The following ATG7 variants were observed in gnomAD, a reference collection of about 807,000 sequenced individuals.
ATG7 encodes the protein ubiquitin-like modifier-activating enzyme ATG7.
Under a neutral mutation model 82.4 loss-of-function variants are expected in ATG7, and 70 were observed. The observed-to-expected ratio is 0.85, with a 90% CI of 0.70 to 1.04. ATG7 has a LOEUF of 1.04. ATG7 is among the 50% of genes least tolerant of loss of function. ATG7 has a pLI of 0.00. For synonymous variants in ATG7, 287 were observed against 313.0 expected (o/e 0.92, Z 0.88); for missense variants, 792 against 864.3 (o/e 0.92, Z 1.05).
chr3:11,417,815 A>ATT (rs372904207), intron 19 of ATG7, among the ~76,000 whole-genome samples: 2,403 of 64,896 alleles, frequency 0.037, 92 homozygotes, highest in African/African-American at 0.11. Flanking sequence ...ATTTTATTTT[A>ATT]TTTTTTTTTT....
At chr3:11,553,184 A>G (rs1181478725) in intron 20 of ATG7, among the ~76,000 whole-genome samples, 1 of 151,734 alleles carries the variant, frequency 6.6e-6, no homozygotes, top group Non-Finnish European at 1.5e-5. Flanking sequence ...CCTTTTCCAC[A>G]CACCCCTGGT....
chr3:11,405,785 G>A (rs187198086), intron 19 of ATG7, among the ~76,000 whole-genome samples: 3 of 151,866 alleles, frequency 2.0e-5, no homozygotes, highest in Admixed American at 1.3e-4. Flanking sequence ...ATGTCACCAC[G>A]CCTGGATAAT....
At chr3:11,299,023 A>AT in intron 4 of ATG7, 168 bp downstream of exon 4, 2 of 760,358 alleles carry the variant, frequency 2.6e-6, no homozygotes, top group Non-Finnish European at 4.1e-6. Context: ...ATTTTCATTT[A>AT]TTTTCTCTTG....
intron 19 of ATG7, among the ~76,000 whole-genome samples, chr3:11,388,794 T>G (rs1443392836): frequency 6.6e-6 from 1 of 151,996 alleles, no homozygotes; most frequent in Non-Finnish European, 1.5e-5. Context: ...CCTCAATAAC[T>G]TTGTAAGATA....
chr3:11,314,168 G>A (rs886692386), intron 8 of ATG7, among the ~76,000 whole-genome samples: 1 of 152,128 alleles, frequency 6.6e-6, no homozygotes, highest in Non-Finnish European at 1.5e-5. Context: ...AGAGTTAGTC[G>A]GTGACATTTG....
At chr3:11,558,892 A>G (rs2072691813), downstream of ATG7, 3 of 1,570,026 alleles carry the variant, frequency 1.9e-6, no homozygotes, top group Admixed American at 3.4e-5. Context: ...GCACGGTTGC[A>G]GCACCCTCCC....
chr3:11,533,467 T>C (rs1310481327), intron 20 of ATG7, among the ~76,000 whole-genome samples: 1 of 151,600 alleles, frequency 6.6e-6, no homozygotes, highest in Non-Finnish European at 1.5e-5. Flanking sequence ...TCTGTTCATG[T>C]TGTTCACAAC....
At chr3:11,448,357 C>T (rs1037006412) in intron 20 of ATG7, among the ~76,000 whole-genome samples, 7 of 151,778 alleles carry the variant, frequency 4.6e-5, no homozygotes, top group Non-Finnish European at 7.4e-5. Flanking sequence ...GGAGTGCTCT[C>T]TCTGGCTGCT....
intron 7 of ATG7, among the ~76,000 whole-genome samples, chr3:11,311,858 G>A (rs561120327): frequency 1.3e-5 from 2 of 151,336 alleles, no homozygotes; most frequent in African/African-American, 4.9e-5. Context: ...ATTAGAGACC[G>A]CAGAGATTAC....
At chr3:11,437,547 A>G (rs2083473300) in intron 20 of ATG7, among the ~76,000 whole-genome samples, 1 of 152,176 alleles carries the variant, frequency 6.6e-6, no homozygotes, top group Non-Finnish European at 1.5e-5. Context: ...CTGAATTTTT[A>G]AAATTTCCCT....
At chr3:11,525,361 C>A (rs2092549741) in intron 20 of ATG7, among the ~76,000 whole-genome samples, 1 of 150,790 alleles carries the variant, frequency 6.6e-6, no homozygotes, top group South Asian at 2.1e-4. Flanking sequence ...ATTTATTTAA[C>A]TATTCCTTGA....
chr3:11,535,515 G>A (rs777867757), intron 20 of ATG7, among the ~76,000 whole-genome samples: 1 of 152,176 alleles, frequency 6.6e-6, no homozygotes, highest in African/African-American at 2.4e-5. Context: ...TTAGGGGGAG[G>A]TGGTGACAGT....
intron 20 of ATG7, among the ~76,000 whole-genome samples, chr3:11,461,669 A>G (rs992498796): frequency 2.0e-5 from 3 of 152,170 alleles, no homozygotes; most frequent in Non-Finnish European, 2.9e-5. Flanking sequence ...ATTAACCCCC[A>G]GAAACAGAAC....
intron 20 of ATG7, among the ~76,000 whole-genome samples, chr3:11,545,365 G>A (rs1003873783): frequency 6.6e-6 from 1 of 152,244 alleles, no homozygotes; most frequent in Non-Finnish European, 1.5e-5. Flanking sequence ...AAGAACCACG[G>A]TGACGGATAC....
intron 14 of ATG7, 94 bp downstream of exon 14, chr3:11,348,129 A>AT: frequency 1.4e-6 from 2 of 1,469,398 alleles, no homozygotes; most frequent in Non-Finnish European, 1.8e-6. Flanking sequence ...AGAGAGTCAG[A>AT]TATCTGTCAC....
At chr3:11,484,987 A>C (rs2089460203) in intron 20 of ATG7, among the ~76,000 whole-genome samples, 1 of 152,200 alleles carries the variant, frequency 6.6e-6, no homozygotes, top group Admixed American at 6.5e-5. Context: ...TGTTGTGAAT[A>C]GTGCCGCAAT....
At chr3:11,460,400 G>A (rs2086192367) in intron 20 of ATG7, among the ~76,000 whole-genome samples, 1 of 152,192 alleles carries the variant, frequency 6.6e-6, no homozygotes, top group Admixed American at 6.5e-5. Flanking sequence ...TGTTGAGAAG[G>A]GCTCTCAGGC....
intron 20 of ATG7, among the ~76,000 whole-genome samples, chr3:11,468,092 G>GCAT (rs2087022739): frequency 1.3e-5 from 2 of 152,188 alleles, no homozygotes; most frequent in Admixed American, 6.5e-5. Flanking sequence ...AGGTTGACAG[G>GCAT]CAGAAGTCTG....
At chr3:11,406,549 C>G (rs1202635484) in intron 19 of ATG7, among the ~76,000 whole-genome samples, 2 of 152,170 alleles carry the variant, frequency 1.3e-5, no homozygotes, top group Non-Finnish European at 2.9e-5. Context: ...TTCAAGCAGT[C>G]CTCTTGCCTC....
Sources: gnomAD v4.1 joint callset for allele counts (sites outside exome capture counted in the v4.1 genomes callset) on GRCh38, gnomAD v4.1.1 for gene constraint, MANE v1.5 for transcripts, NCBI Gene and HGNC (gene_info 2026-07-23, HGNC 2026-07-21) for gene names.